TMED5: variants seen among roughly 807,000 people sequenced by gnomAD.
TMED5 encodes transmembrane emp24 domain-containing protein 5.
TMED5 carries 27 observed loss-of-function variants against 23.0 expected under a neutral mutation model. The observed-to-expected ratio is 1.17, with a 90% CI of 0.86 to 1.62. The LOEUF is 1.62. Among genes scored for constraint, TMED5 ranks in the 40% most tolerant of loss-of-function variants. The probability of loss-of-function intolerance (pLI) is 0.00; values close to 1 mark genes in which losing one functional copy is unlikely to be tolerated. For missense variants in TMED5, 248 were observed against 273.7 expected (o/e 0.91, Z 0.66); for synonymous variants, 97 against 100.8 (o/e 0.96, Z 0.23).
At chr1:93,161,161 A>G (rs777573819) in intron 1 of TMED5, 4 of 152,186 alleles carry the variant, frequency 2.6e-5, no homozygotes, top group Non-Finnish European at 5.9e-5. Context: ...TAAATGCTTT[A>G]TGTGGATTAA....
intron 1 of TMED5, among the ~76,000 whole-genome samples, chr1:93,171,306 A>C (rs1648724466): frequency 6.6e-6 from 1 of 152,212 alleles, no homozygotes; most frequent in African/African-American, 2.4e-5. Context: ...GAACATCAGA[A>C]GGAACAAACT....
At chr1:93,160,003 C>G in intron 2 of TMED5, 126 bp downstream of exon 2, 1 of 562,750 alleles carries the variant, frequency 1.8e-6, no homozygotes, top group East Asian at 2.8e-5. Context: ...CTATCATGAA[C>G]TGTTTTAAAT....
At chr1:93,168,818 G>A (rs1192645119) in intron 1 of TMED5, among the ~76,000 whole-genome samples, 1 of 152,212 alleles carries the variant, frequency 6.6e-6, no homozygotes, top group Non-Finnish European at 1.5e-5. Flanking sequence ...CTGGGCGACA[G>A]AGCGAGCAAG....
At chr1:93,163,307 T>C (rs1648352212) in intron 1 of TMED5, 1 of 151,582 alleles carries the variant, frequency 6.6e-6, no homozygotes, top group African/African-American at 2.4e-5. Flanking sequence ...AAATGATTTT[T>C]AAGACTATGG....
Position 93,154,655 on chromosome 1 carries a change from C to T in TMED5, c.*15G>A, listed in dbSNP as rs1415071837. 1.8e-5 allele frequency: 28 copies of T among 1,588,114 alleles called. No individual in the cohort carries two copies. The highest frequency in any genetic ancestry group is 2.3e-5 in the Non-Finnish European group (27 of 1,159,576). ...ATGCCTCATTTTTCAATGTTACGTA[C>T]TCTAGTTTGGAGTTTTAAGTTCTAC... On this transcript the variant is annotated 3_prime_UTR_variant, in exon 4 of 4. Transcript: ENST00000370282.
intron 1 of TMED5, among the ~76,000 whole-genome samples, chr1:93,166,871 T>C (rs1419681095): frequency 2.0e-5 from 3 of 152,218 alleles, no homozygotes; most frequent in African/African-American, 4.8e-5. Context: ...CCTAATGTTT[T>C]CTGGTAGTAG....
chr1:93,167,096 C>T (rs983324006), intron 1 of TMED5, among the ~76,000 whole-genome samples: 2 of 152,036 alleles, frequency 1.3e-5, no homozygotes, highest in Admixed American at 6.6e-5. Context: ...TTTCTAGGTT[C>T]TCTATTATGT....
intron 1 of TMED5, among the ~76,000 whole-genome samples, chr1:93,176,071 C>A (rs1019072469): frequency 2.0e-5 from 3 of 152,256 alleles, no homozygotes; most frequent in South Asian, 2.1e-4. Context: ...CTGCTTATAA[C>A]TATTCAGTGG....
At chr1:93,157,133 C>T (rs930734573) in intron 2 of TMED5, among the ~76,000 whole-genome samples, 3 of 152,094 alleles carry the variant, frequency 2.0e-5, no homozygotes, top group African/African-American at 7.2e-5. Context: ...TGACTGCCAA[C>T]CTACCCTACA....
intron 1 of TMED5, among the ~76,000 whole-genome samples, chr1:93,170,574 C>T (rs980109305): frequency 6.6e-6 from 1 of 152,228 alleles, no homozygotes; most frequent in African/African-American, 2.4e-5. Flanking sequence ...TGCTCCACGG[C>T]ACCCAGTCCC....
rs568394650 is a variant in TMED5 at position 93,165,655 on chromosome 1, G to A, written c.190-5429C>T. Among the ~76,000 whole-genome samples the A allele has an allele frequency of 1.1e-4, 16 of 152,332 alleles. No individual in the cohort carries two copies. In the South Asian group the frequency reaches 2.7e-3, roughly 26 times the overall value. On this transcript the variant is annotated intron_variant, in intron 1 of 3. Transcript: ENST00000370282. ...ATGCAATGCATATTAACCACATAGT[G>A]TAAAATTGGGTATCCATCCCCTCAA...
chr1:93,156,299 C>A lies in TMED5; in HGVS notation c.471+1G>T. On this transcript the variant is annotated splice_donor_variant, in intron 3 of 3. Transcript: ENST00000370282. LOFTEE classifies it high-confidence loss of function. ...TTATTTTATTAGAAGACCATACTGA[C>A]CAGGATGTCTTCCAGTTTCATATCC... is the stretch of plus-strand genomic sequence containing the variant. 6.2e-7 allele frequency: 1 copy of A among 1,612,568 alleles called. No homozygotes were observed. Among genetic ancestry groups the A allele is most frequent in the Non-Finnish European group, 8.5e-7 (1 of 1,178,764 alleles).
Position 93,154,689 on chromosome 1 carries a change from T to TTATC in TMED5, c.667_670dup (p.Lys224ArgfsTer2). On this transcript the variant is annotated stop_gained and frameshift_variant, in exon 4 of 4. Transcript: ENST00000370282. LOFTEE classifies it high-confidence loss of function. ...GGAGTTTTAAGTTCTACTTTTCCTC[T>TTATC]TATCTTCAAACAGACTCTTCAGCAT... 1 of 1,613,498 alleles carries TTATC rather than the reference T, an allele frequency of 6.2e-7. No homozygotes were observed.
intron 2 of TMED5, among the ~76,000 whole-genome samples, chr1:93,157,976 T>C (rs932321159): frequency 6.6e-6 from 1 of 151,646 alleles, no homozygotes; most frequent in African/African-American, 2.4e-5. Flanking sequence ...GACAAAAAAT[T>C]AGCCGGGCGT....
rs1482073650 is a variant in TMED5 at position 93,150,424 on chromosome 1, C to G, written c.*4246G>C. The G allele has an allele frequency of 6.6e-6, 1 of 152,120 alleles. No homozygotes were observed. Among genetic ancestry groups the G allele is most frequent in the African/African-American group, 2.4e-5 (1 of 41,378 alleles). 9.4% of individuals were successfully genotyped at this position (152,120 alleles called of 1,614,324 possible). A position where few individuals can be genotyped will look rare whatever the true frequency, so the allele number is the denominator to read the frequency against. ...TATTATAAATGAAGGTGCTATGTAA[C>G]ATTTGTGAATGTTAAGTTTTAACTT... On this transcript the variant is annotated 3_prime_UTR_variant, in exon 4 of 4. Coordinates refer to ENST00000370282, the MANE Select transcript of TMED5 (RefSeq NM_016040.5).
chr1:93,170,415 C>T (rs1226031821), intron 1 of TMED5, among the ~76,000 whole-genome samples: 7 of 152,228 alleles, frequency 4.6e-5, no homozygotes, highest in Non-Finnish European at 5.9e-5. Flanking sequence ...CCTGGGCCAG[C>T]AGCTGCTGTG....
chr1:93,153,143 AAAC>A lies in TMED5; in HGVS notation c.*1524_*1526del, dbSNP rs1415664398. The stretch of plus-strand genomic sequence containing the variant: ...TGTTTCTAACTCACAATGTAGTCAT[AAAC>A]AACGTTATAAATGGGCATAACTTAA... On this transcript the variant is annotated 3_prime_UTR_variant, in exon 4 of 4. Transcript: ENST00000370282. The A allele has an allele frequency of 1.3e-5, 2 of 152,634 alleles. No individual in the cohort carries two copies. Among genetic ancestry groups the A allele is most frequent in the Non-Finnish European group, 2.9e-5 (2 of 68,018 alleles). The allele number at this position is 152,634 out of a possible 1,614,324, so 9.5% of individuals were successfully genotyped here. A position where few individuals can be genotyped will look rare whatever the true frequency, so the allele number is the denominator to read the frequency against.
intron 1 of TMED5, 106 bp downstream of exon 1, chr1:93,179,948 C>T (rs1228917752): frequency 2.4e-6 from 3 of 1,274,836 alleles, no homozygotes; most frequent in Non-Finnish European, 3.2e-6. Flanking sequence ...CGGCCCTCGC[C>T]TCTTCACCAC....
At chr1:93,161,077 C>T (rs943654473) in intron 1 of TMED5, 3 of 151,988 alleles carry the variant, frequency 2.0e-5, no homozygotes, top group African/African-American at 7.3e-5. Context: ...TTTGTAATTC[C>T]AAAATGTCCT....
Sources: gnomAD v4.1 joint callset for allele counts (sites outside exome capture counted in the v4.1 genomes callset) on GRCh38, gnomAD v4.1.1 for gene constraint, MANE v1.5 for transcripts, NCBI Gene and HGNC (gene_info 2026-07-23, HGNC 2026-07-21) for gene names.